Variants in PAQR8 observed in about 807,000 individuals in gnomAD.
The protein encoded by PAQR8 is membrane progestin receptor beta.
Under a neutral mutation model 25.2 loss-of-function variants are expected in PAQR8, and 17 were observed. The ratio of observed to expected loss-of-function variants is 0.67; its 90% CI spans 0.46 to 1.01. PAQR8 has a LOEUF of 1.01. PAQR8 is among the 50% of genes least tolerant of loss of function. PAQR8 has a pLI of 0.00. For synonymous variants in PAQR8, 204 were observed against 190.6 expected (o/e 1.07, Z -0.58); for missense variants, 392 against 448.4 (o/e 0.87, Z 1.14).
At chr6:52,394,330 C>T (rs1025305890) in intron 1 of PAQR8, among the ~76,000 whole-genome samples, 1 of 152,142 alleles carries the variant, frequency 6.6e-6, no homozygotes, top group African/African-American at 2.4e-5. Flanking sequence ...TCACCAAAAA[C>T]GTGTCATTTC....
intron 1 of PAQR8, among the ~76,000 whole-genome samples, chr6:52,380,820 C>T (rs528386432): frequency 2.3e-4 from 35 of 152,268 alleles, no homozygotes; most frequent in Non-Finnish European, 4.6e-4. Flanking sequence ...GTGACCTGGA[C>T]ATGTTTTATT....
chr6:52,385,690 C>T (rs140945822), intron 1 of PAQR8, among the ~76,000 whole-genome samples: 1 of 152,250 alleles, frequency 6.6e-6, no homozygotes, highest in Non-Finnish European at 1.5e-5. Context: ...TGAGACCAGC[C>T]TGGGCAACAT....
chr6:52,381,007 A>G (rs1045450452), intron 1 of PAQR8, among the ~76,000 whole-genome samples: 1 of 152,210 alleles, frequency 6.6e-6, no homozygotes, highest in Non-Finnish European at 1.5e-5. Flanking sequence ...TACTGAGCAT[A>G]AATCTCTACT....
chr6:52,386,810 G>T (rs1426501881), intron 1 of PAQR8, among the ~76,000 whole-genome samples: 1 of 152,136 alleles, frequency 6.6e-6, no homozygotes, highest in South Asian at 2.1e-4. Flanking sequence ...TATACCTCCT[G>T]AATAGAAAAG....
chr6:52,371,955 G>A (rs1763423852), intron 1 of PAQR8, among the ~76,000 whole-genome samples: 3 of 152,152 alleles, frequency 2.0e-5, no homozygotes, highest in Admixed American at 2.0e-4. Flanking sequence ...TCCTTGGAGT[G>A]CATATCTAGC....
chr6:52,406,411 G>A lies in PAQR8; in HGVS notation c.*2133G>A. 2.4e-6 allele frequency: 1 copy of A among 413,232 alleles called. No homozygotes were observed. Among genetic ancestry groups the A allele is most frequent in the Non-Finnish European group, 4.4e-6 (1 of 225,976 alleles). The allele number at this position is 413,232 out of a possible 1,614,324, so 25.6% of individuals were successfully genotyped here. A position where few individuals can be genotyped will look rare whatever the true frequency, so the allele number is the denominator to read the frequency against. ...TATTTTTTAAAAGAGAGAACCGGAG[G>A]TAGAGCAATGATCAGATGGGTGCAC... On this transcript the variant is annotated 3_prime_UTR_variant, in exon 2 of 2. Coordinates refer to ENST00000442253, the MANE Select transcript of PAQR8 (RefSeq NM_133367.5).
chr6:52,399,663 T>C (rs1479532334), intron 1 of PAQR8, among the ~76,000 whole-genome samples: 1 of 152,156 alleles, frequency 6.6e-6, no homozygotes, highest in African/African-American at 2.4e-5. Flanking sequence ...GGGGATTCCT[T>C]CTTCTATAGT....
chr6:52,364,279 A>G (rs1763327174), intron 1 of PAQR8, among the ~76,000 whole-genome samples: 1 of 152,126 alleles, frequency 6.6e-6, no homozygotes, highest in Non-Finnish European at 1.5e-5. Flanking sequence ...TTAACAGGAT[A>G]GAAAGCGATT....
intron 1 of PAQR8, among the ~76,000 whole-genome samples, chr6:52,387,624 C>T (rs2113944632): frequency 1.3e-5 from 2 of 152,294 alleles, no homozygotes; most frequent in South Asian, 4.1e-4. Context: ...GAAGTGTCTC[C>T]CCAAATTAAT....
At chr6:52,386,787 A>G (rs111659518) in intron 1 of PAQR8, among the ~76,000 whole-genome samples, 31 of 152,368 alleles carry the variant, frequency 2.0e-4, no homozygotes, top group African/African-American at 7.2e-4. Flanking sequence ...TACTCTTGTA[A>G]CAAACCTGCA....
intron 1 of PAQR8, among the ~76,000 whole-genome samples, chr6:52,370,927 T>G (rs1763412845): frequency 6.6e-6 from 1 of 152,198 alleles, no homozygotes; most frequent in Non-Finnish European, 1.5e-5. Context: ...ATTGGGTGTT[T>G]GCAGAAAGGA....
chr6:52,368,007 T>C (rs1293689167), intron 1 of PAQR8, among the ~76,000 whole-genome samples: 1 of 152,080 alleles, frequency 6.6e-6, no homozygotes, highest in African/African-American at 2.4e-5. Flanking sequence ...GATGGGAAGA[T>C]CGCTTGAGCC....
chr6:52,370,942 A>G (rs1763412987), intron 1 of PAQR8, among the ~76,000 whole-genome samples: 1 of 152,198 alleles, frequency 6.6e-6, no homozygotes, highest in Non-Finnish European at 1.5e-5. Context: ...AAAGGAAAAA[A>G]TTAAATCACT....
chr6:52,407,126 T>C lies in PAQR8; in HGVS notation c.*2848T>C, dbSNP rs1427663398. On this transcript the variant is annotated 3_prime_UTR_variant, in exon 2 of 2. Transcript: ENST00000442253. ...TCAACCATAGCCCCTCCAACATATC[T>C]ACTGGAAATTCTGCTGGTTAACTTT... The C allele has an allele frequency of 6.0e-6, 1 of 166,986 alleles. No homozygotes were observed. Among genetic ancestry groups the C allele is most frequent in the Non-Finnish European group, 1.5e-5 (1 of 68,120 alleles). 10.3% of individuals were successfully genotyped at this position (166,986 alleles called of 1,614,324 possible). A position where few individuals can be genotyped will look rare whatever the true frequency, so the allele number is the denominator to read the frequency against.
At chr6:52,372,549 A>G (rs1763430944) in intron 1 of PAQR8, among the ~76,000 whole-genome samples, 2 of 152,138 alleles carry the variant, frequency 1.3e-5, no homozygotes, top group Non-Finnish European at 2.9e-5. Flanking sequence ...TCTACAACAG[A>G]TTACATTTAA....
chr6:52,384,859 G>C (rs1763611420), intron 1 of PAQR8, among the ~76,000 whole-genome samples: 1 of 152,074 alleles, frequency 6.6e-6, no homozygotes. Flanking sequence ...AAATAAAGCT[G>C]CACGCCTACA....
intron 1 of PAQR8, among the ~76,000 whole-genome samples, chr6:52,385,044 A>G (rs1279381409): frequency 6.6e-6 from 1 of 152,182 alleles, no homozygotes; most frequent in African/African-American, 2.4e-5. Flanking sequence ...AATGTATGAT[A>G]TGGTTTGGCT....
In PAQR8 at chr6:52,400,225, C is replaced by G. The variant is rs1763814348; in HGVS notation, c.-52-2937C>G. On this transcript the variant is annotated intron_variant, in intron 1 of 1. Coordinates refer to ENST00000442253, the MANE Select transcript of PAQR8 (RefSeq NM_133367.5). ...TGCTGGCTAAATGAATGCCTCAATA[C>G]AGGGTTACAGGGGCTGCCATAGAAA... Among the ~76,000 whole-genome samples the G allele has an allele frequency of 2.0e-5, 3 of 152,214 alleles. No individual in the cohort carries two copies. In the South Asian group the frequency reaches 6.2e-4, roughly 32 times the overall value.
intron 1 of PAQR8, among the ~76,000 whole-genome samples, chr6:52,379,802 T>A (rs867539933): frequency 6.6e-6 from 1 of 152,146 alleles, no homozygotes; most frequent in South Asian, 2.1e-4. Flanking sequence ...AATTTTTTTG[T>A]ATTTTTAGTA....
Sources: allele counts gnomAD v4.1 joint callset (sites outside exome capture counted in the v4.1 genomes callset), GRCh38; gene constraint gnomAD v4.1.1; transcripts MANE v1.5; gene names NCBI Gene and HGNC (gene_info 2026-07-23, HGNC 2026-07-21).